PRSS58: variants seen among roughly 807,000 people sequenced by gnomAD.
The protein encoded by PRSS58 is serine protease 58.
Under a neutral mutation model 25.0 loss-of-function variants are expected in PRSS58, and 31 were observed. The observed-to-expected ratio is 1.24, with a 90% CI of 0.93 to 1.67. The LOEUF (loss-of-function observed/expected upper bound fraction) is 1.67. Among genes scored for constraint, PRSS58 ranks in the 40% most tolerant of loss-of-function variants. The pLI is 0.00. For synonymous variants in PRSS58, 119 were observed against 106.1 expected, an observed-to-expected ratio of 1.12 and a Z score of -0.75; for missense variants, 324 against 287.9, an observed-to-expected ratio of 1.13 and a Z score of -0.91.
At chr7:142,256,501 T>C (rs1327917591) in intron 2 of PRSS58, among the ~76,000 whole-genome samples, 1 of 152,200 alleles carries the variant, frequency 6.6e-6, no homozygotes, top group African/African-American at 2.4e-5. Flanking sequence ...TCTCACTCTG[T>C]TGCTCAGATT....
At position 142,252,287 on chromosome 7, in the gene PRSS58, A is replaced by G. The variant is rs1416442414; in HGVS notation, c.660T>C (p.Asp220=). 3 of 1,614,054 alleles carry G rather than the reference A, an allele frequency of 1.9e-6. No individual in the cohort carries two copies. Among genetic ancestry groups the G allele is most frequent in the Middle Eastern group, 1.6e-4 (1 of 6,082 alleles). The change falls in exon 6 of 6, where the codon GAT becomes GAC. Residue 220 remains aspartate (D), a synonymous_variant. Coordinates refer to ENST00000547058, the MANE Select transcript of PRSS58 (RefSeq NM_001001317.5). Reference sequence around the variant, plus strand: ...AAAAAATTTTGGCATAGATGCCAACATCAGCTCTCAAAACACATCCATCCG... The same window carrying G: ...AAAAAATTTTGGCATAGATGCCAACGTCAGCTCTCAAAACACATCCATCCG... The part of the protein sequence containing the change: ...SFADGCVLRA[D]VGIYAKIFYY...
intron 4 of PRSS58, among the ~76,000 whole-genome samples, chr7:142,254,480 C>T (rs1798520702): frequency 6.6e-6 from 1 of 151,996 alleles, no homozygotes; most frequent in South Asian, 2.1e-4. Flanking sequence ...AATGGTAGCC[C>T]TTTGTCAGTT....
chr7:142,253,947 T>A (rs898296744), intron 4 of PRSS58, among the ~76,000 whole-genome samples: 1 of 152,184 alleles, frequency 6.6e-6, no homozygotes, highest in Non-Finnish European at 1.5e-5. Context: ...GTGCTCTAAA[T>A]CTGAAGGTAT....
In PRSS58 at chr7:142,252,351, G is replaced by A. The variant is rs1798481848; in HGVS notation, c.596C>T (p.Ala199Val). Residue 199 changes from alanine to valine, a missense_variant, in exon 6 of 6, where the codon GCA (alanine) becomes GTA (valine). Physicochemically the swap from Ala to Val is moderately conservative, Grantham distance 64. Transcript: ENST00000547058. Reference sequence around the variant, plus strand: ...TCCTTGAAGCATCCCATTGCAGATTGCCGGGGCAGCAGAAACTTCCTGCCA... The same window carrying A: ...TCCTTGAAGCATCCCATTGCAGATTACCGGGGCAGCAGAAACTTCCTGCCA... Reference protein sequence around the residue: ...QPCKEVSAAPAICNGMLQGIL... With the variant: ...QPCKEVSAAPVICNGMLQGIL... The A allele has an allele frequency of 1.2e-6, 2 of 1,613,540 alleles. No individual in the cohort carries two copies. The highest frequency in any genetic ancestry group is 2.7e-5 in the African/African-American group (2 of 74,898).
At chr7:142,257,581 A>T in intron 2 of PRSS58, 87 bp downstream of exon 2, 1 of 1,163,916 alleles carries the variant, frequency 8.6e-7, no homozygotes, top group Non-Finnish European at 1.3e-6. Flanking sequence ...TGAATTCTGG[A>T]ATGATGCCTC....
At chr7:142,254,805 G>A (rs779427698) in intron 4 of PRSS58, among the ~76,000 whole-genome samples, 7 of 151,994 alleles carry the variant, frequency 4.6e-5, no homozygotes, top group Non-Finnish European at 7.4e-5. Context: ...AATTAGGATT[G>A]GAATACAAAT....
At position 142,255,571 on chromosome 7, in the gene PRSS58, G is replaced by A. The variant is rs777213267; in HGVS notation, c.143C>T (p.Pro48Leu). 20 of 1,614,040 alleles carry A rather than the reference G, an allele frequency of 1.2e-5. No homozygotes were observed. The highest frequency in any genetic ancestry group is 1.7e-4 in the Middle Eastern group (1 of 6,058). Residue 48 changes from proline (P) to leucine (L), a missense_variant, in exon 3 of 6, where the codon CCG becomes CTG. Transcript: ENST00000547058. ...YLPCAGVLIH[P>L]LWVITAAHCN... ...GTGTGCAGCTGTGATCACCCAAAGC[G>A]GGTGGATCAGGACTCCAGCGCAGGG... is the stretch of plus-strand genomic sequence containing the variant.
In PRSS58 at chr7:142,252,311, C is replaced by A. The variant is rs373877236; in HGVS notation, c.636G>T (p.Ala212=). 5.0e-6 allele frequency: 8 copies of A among 1,614,062 alleles called. No homozygotes were observed. The highest frequency in any genetic ancestry group is 5.9e-6 in the Non-Finnish European group (7 of 1,179,998). ...CATCAGCTCTCAAAACACATCCATC[C>A]GCAAAAGACAGGATTCCTTGAAGCA... The part of the protein sequence containing the change: ...NGMLQGILSF[A]DGCVLRADVG... The change falls in exon 6 of 6, where the codon GCG becomes GCT. Residue 212 remains alanine (A), a synonymous_variant. Transcript: ENST00000547058.
chr7:142,257,951 A>C (rs1282715526), intron 1 of PRSS58, 40 bp downstream of exon 1: 1 of 501,524 alleles, frequency 2.0e-6, no homozygotes, highest in African/African-American at 1.9e-5. Context: ...ATGGTTCTGG[A>C]ACTCAGAGTT....
Position 142,252,151 on chromosome 7 carries a change from T to C in PRSS58, c.*70A>G. On this transcript the variant is annotated 3_prime_UTR_variant, in exon 6 of 6. Coordinates refer to ENST00000547058, the MANE Select transcript of PRSS58 (RefSeq NM_001001317.5). ...GTATGCATGGGGCAATGTGAGGAGT[T>C]AATTTATATTTAATTCTAAAGGTGA... 6.8e-7 allele frequency: 1 copy of C among 1,474,952 alleles called. No homozygotes were observed. The highest frequency in any genetic ancestry group is 9.2e-7 in the Non-Finnish European group (1 of 1,091,034). The allele number at this position is 1,474,952 out of a possible 1,614,324, so 91.4% of individuals were successfully genotyped here.
intron 2 of PRSS58, among the ~76,000 whole-genome samples, chr7:142,256,879 C>G (rs997634946): frequency 6.6e-6 from 1 of 152,076 alleles, no homozygotes; most frequent in Non-Finnish European, 1.5e-5. Flanking sequence ...GCAGAGGCAA[C>G]AGCTGCAGCA....
chr7:142,252,171 A>G lies in PRSS58; in HGVS notation c.*50T>C. On this transcript the variant is annotated 3_prime_UTR_variant, in exon 6 of 6. Coordinates refer to ENST00000547058, the MANE Select transcript of PRSS58 (RefSeq NM_001001317.5). ...GGAGTTAATTTATATTTAATTCTAA[A>G]GGTGAACGATGGGGACAAGCTGTGT... The G allele has an allele frequency of 6.5e-7, 1 of 1,543,206 alleles. No individual in the cohort carries two copies.
At chr7:142,254,351 T>C (rs191964952) in intron 4 of PRSS58, among the ~76,000 whole-genome samples, 236 of 152,254 alleles carry the variant, frequency 1.6e-3, no homozygotes, top group African/African-American at 5.6e-3. Flanking sequence ...AAACAGAAAG[T>C]TGCCTTAAGT....
intron 4 of PRSS58, among the ~76,000 whole-genome samples, chr7:142,253,868 C>T (rs1053081656): frequency 6.6e-6 from 1 of 152,092 alleles, no homozygotes; most frequent in Non-Finnish European, 1.5e-5. Flanking sequence ...GGACATTTGG[C>T]TCTTTCCAAA....
In PRSS58 at chr7:142,255,209, T is replaced by G; in HGVS notation, c.282A>C (p.Ser94=). 2 of 1,614,182 alleles carry G rather than the reference T, an allele frequency of 1.2e-6. No homozygotes were observed. Among genetic ancestry groups the G allele is most frequent in the Middle Eastern group, 3.3e-4 (2 of 6,062 alleles). Residue 94 remains serine, a synonymous_variant, in exon 4 of 6, where the codon TCA becomes TCC. Transcript: ENST00000547058. The stretch of plus-strand genomic sequence containing the variant: ...TGATGTCATGATCAATAGAAGTGAC[T>G]GAGAAGTGTGGATGATGAATCATCT... The part of the protein sequence containing the change: ...YEKMIHHPHF[S]VTSIDHDIML...
At chr7:142,257,338 G>A (rs543652124) in intron 2 of PRSS58, among the ~76,000 whole-genome samples, 10 of 152,164 alleles carry the variant, frequency 6.6e-5, no homozygotes, top group Non-Finnish European at 1.3e-4. Context: ...TGTGCCAGGA[G>A]ATATCTGATT....
At chr7:142,256,600 G>T (rs953519723) in intron 2 of PRSS58, among the ~76,000 whole-genome samples, 1 of 152,082 alleles carries the variant, frequency 6.6e-6, no homozygotes, top group African/African-American at 2.4e-5. Flanking sequence ...ACAGGTGTGT[G>T]CCACCATATC....
At chr7:142,255,378 A>G (rs1798538174) in intron 3 of PRSS58, 67 bp from the exon 4 acceptor site, 1 of 1,585,036 alleles carries the variant, frequency 6.3e-7, no homozygotes, top group Non-Finnish European at 8.6e-7. Flanking sequence ...ATGAGCCTCT[A>G]TTATCCCTCC....
rs555620890 is a variant in PRSS58, at chr7:142,258,026, C to T, written c.-77G>A. On this transcript the variant is annotated 5_prime_UTR_variant, in exon 1 of 6. Transcript: ENST00000547058. Reference sequence around the variant, plus strand: ...TTGAAGTTCATGATATCTCTACAGACGCCTCCTGTCTGGTCTCCTTTTTGC... The same window carrying T: ...TTGAAGTTCATGATATCTCTACAGATGCCTCCTGTCTGGTCTCCTTTTTGC... The T allele has an allele frequency of 1.4e-4, 42 of 295,428 alleles. No individual in the cohort carries two copies. The East Asian group carries it at 2.3e-3, about 16-fold the overall frequency. 18.3% of individuals were successfully genotyped at this position (295,428 alleles called of 1,614,324 possible). A position where few individuals can be genotyped will look rare whatever the true frequency, so the allele number is the denominator to read the frequency against.
Sources: gnomAD v4.1 joint callset for allele counts (sites outside exome capture counted in the v4.1 genomes callset) on GRCh38, gnomAD v4.1.1 for gene constraint, MANE v1.5 for transcripts, NCBI Gene and HGNC (gene_info 2026-07-23, HGNC 2026-07-21) for gene names.